Variants in DSTYK observed in about 807,000 individuals in gnomAD.
The protein encoded by DSTYK is dual serine/threonine and tyrosine protein kinase, also known as RIP-homologous kinase.
DSTYK carries 34 observed loss-of-function variants against 98.7 expected under a neutral mutation model. That is an observed-to-expected ratio of 0.34 (90% CI 0.26 to 0.46). The LOEUF (loss-of-function observed/expected upper bound fraction) is 0.46. Ranked by LOEUF, DSTYK falls within the 20% of genes least tolerant of loss-of-function variation. The pLI, the probability that DSTYK is intolerant of heterozygous loss-of-function variation, is 1.00. For missense variants in DSTYK, 962 were observed against 1,181.7 expected, an observed-to-expected ratio of 0.81 and a Z score of 2.73; for synonymous variants, 462 against 457.3, an observed-to-expected ratio of 1.01 and a Z score of -0.13.
intron 3 of DSTYK, among the ~76,000 whole-genome samples, chr1:205,164,586 C>T (rs1413746944): frequency 2.0e-5 from 3 of 151,932 alleles, no homozygotes; most frequent in African/African-American, 7.3e-5. Flanking sequence ...CTCAGCCTCC[C>T]GAGTAGCTGC....
intron 10 of DSTYK, 106 bp downstream of exon 10, chr1:205,157,167 T>G (rs1014371620): frequency 2.2e-6 from 2 of 893,994 alleles, no homozygotes; most frequent in African/African-American, 3.3e-5. Flanking sequence ...CTAATACACT[T>G]TCTGTGAGGA....
rs1038256099 is a variant in DSTYK at position 205,169,990 on chromosome 1, C to T, written c.655-158G>A. Among the ~76,000 whole-genome samples, 6 of 152,176 alleles carry T rather than the reference C, an allele frequency of 3.9e-5. No individual in the cohort carries two copies. The highest frequency in any genetic ancestry group is 1.4e-4 in the African/African-American group (6 of 41,440). On this transcript the variant is annotated intron_variant, in intron 2 of 12. Transcript: ENST00000367162. This position sits in a 1 kb window ranked among gnomAD's most constrained non-coding sequence, Gnocchi z 4.0. ...CCACCTCCTTCCTCGGTTACCAACA[C>T]TCCCTGGTGCAGCCTATGAAGGCAG...
At chr1:205,181,883 A>G (rs1002122449) in intron 2 of DSTYK, among the ~76,000 whole-genome samples, 3 of 152,072 alleles carry the variant, frequency 2.0e-5, no homozygotes, top group African/African-American at 7.2e-5. Flanking sequence ...TTTGTTGCCC[A>G]GTCTGGTCTT....
intron 1 of DSTYK, among the ~76,000 whole-genome samples, chr1:205,189,105 C>T (rs1312304874): frequency 6.6e-6 from 1 of 151,750 alleles, no homozygotes; most frequent in Non-Finnish European, 1.5e-5. Context: ...CTGTTTTTCA[C>T]CACCCTTACG....
intron 3 of DSTYK, among the ~76,000 whole-genome samples, chr1:205,167,594 T>C (rs16855205): frequency 0.011 from 1,604 of 152,004 alleles, 24 homozygotes; most frequent in African/African-American, 0.036. Context: ...CCAACTGACA[T>C]AGAAAATACA....
intron 1 of DSTYK, chr1:205,202,829 A>G (rs1659082510): frequency 2.0e-6 from 1 of 496,094 alleles, no homozygotes; most frequent in Admixed American, 3.2e-5. Context: ...CTGTATGAGC[A>G]GAGCCTATAT....
At chr1:205,149,197 G>C (rs1398337666) in intron 11 of DSTYK, among the ~76,000 whole-genome samples, 1 of 151,786 alleles carries the variant, frequency 6.6e-6, no homozygotes, top group Non-Finnish European at 1.5e-5. Flanking sequence ...CACCGCACCT[G>C]GCCGAAAGTT....
intron 1 of DSTYK, among the ~76,000 whole-genome samples, chr1:205,190,630 A>AC (rs1388295180): frequency 1.3e-5 from 2 of 151,166 alleles, no homozygotes; most frequent in South Asian, 2.1e-4. Flanking sequence ...AAAAAAAAAA[A>AC]AAAAAAACCC....
intron 6 of DSTYK, 61 bp downstream of exon 6, chr1:205,161,975 C>A: frequency 6.5e-7 from 1 of 1,544,308 alleles, no homozygotes; most frequent in Non-Finnish European, 8.8e-7. Context: ...GCGAAATATT[C>A]CCATCTGGAT....
rs140090956 is a variant in DSTYK at position 205,168,623 on chromosome 1, C to T, written c.1324+540G>A. Among the ~76,000 whole-genome samples the T allele has an allele frequency of 9.4e-4, 143 of 152,310 alleles. 1 individual carries two copies. Among genetic ancestry groups the T allele is most frequent in the African/African-American group, 3.2e-3 (135 of 41,564 alleles). On this transcript the variant is annotated intron_variant, in intron 3 of 12. Transcript: ENST00000367162. ...TATACAAAATCAGCAGCATCTCAGA[C>T]ACCCAAAGACCTGACCAATCACTTT...
intron 2 of DSTYK, among the ~76,000 whole-genome samples, chr1:205,170,437 T>C (rs1658025177): frequency 1.3e-5 from 2 of 152,184 alleles, no homozygotes; most frequent in Admixed American, 6.5e-5. Context: ...CTTTCCCCCA[T>C]GGGTCTGTAA....
intron 1 of DSTYK, among the ~76,000 whole-genome samples, chr1:205,209,192 G>A (rs115965133): frequency 0.011 from 1,658 of 152,236 alleles, 26 homozygotes; most frequent in African/African-American, 0.038. Context: ...ATCTCTCTGA[G>A]GTTAATCAAT....
chr1:205,208,897 T>A (rs1659283043), intron 1 of DSTYK, among the ~76,000 whole-genome samples: 1 of 152,146 alleles, frequency 6.6e-6, no homozygotes. Flanking sequence ...TTCACTAACT[T>A]TCCTTGGTGC....
Position 205,169,088 on chromosome 1 carries a change from GT to G in DSTYK, c.1324+74del. On this transcript the variant is annotated intron_variant, in intron 3 of 12. Transcript: ENST00000367162. The surrounding 1 kb of genome is among the most constrained non-coding windows in gnomAD (Gnocchi z 4.0). Reference sequence around the variant, plus strand: ...GATTCCTTTAACCTTAGGAATTAACGTTCTTAATTTCCGGCTAGAAAATGGT... The same window carrying G: ...GATTCCTTTAACCTTAGGAATTAACGTCTTAATTTCCGGCTAGAAAATGGT... The G allele has an allele frequency of 7.9e-7, 1 of 1,271,420 alleles. No individual in the cohort carries two copies. Among genetic ancestry groups the G allele is most frequent in the Non-Finnish European group, 1.1e-6 (1 of 908,552 alleles). 78.8% of individuals were successfully genotyped at this position (1,271,420 alleles called of 1,614,324 possible).
chr1:205,168,464 A>G (rs1240043746), intron 3 of DSTYK, among the ~76,000 whole-genome samples: 4 of 152,216 alleles, frequency 2.6e-5, no homozygotes. Flanking sequence ...GTCTGCAGTC[A>G]TCTTTAGTGG....
chr1:205,194,559 TTA>T (rs796918735), intron 1 of DSTYK, among the ~76,000 whole-genome samples: 4,595 of 48,064 alleles, frequency 0.096, 93 homozygotes, highest in East Asian at 0.24. Context: ...TTTTTTTTTT[TTA>T]AAATAGAGAT....
At chr1:205,152,229 G>A (rs1657425427) in intron 10 of DSTYK, among the ~76,000 whole-genome samples, 1 of 152,214 alleles carries the variant, frequency 6.6e-6, no homozygotes, top group African/African-American at 2.4e-5. Flanking sequence ...CTAGGCTGGA[G>A]TGCAATGGCA....
At chr1:205,203,571 G>A (rs1247765097) in intron 1 of DSTYK, among the ~76,000 whole-genome samples, 5 of 79,840 alleles carry the variant, frequency 6.3e-5, no homozygotes, top group Non-Finnish European at 9.5e-5. Context: ...GAGGGGAGGG[G>A]AGGGGAGGGG....
chr1:205,174,533 A>G (rs1170792193), intron 2 of DSTYK, among the ~76,000 whole-genome samples: 1 of 140,974 alleles, frequency 7.1e-6, no homozygotes, highest in Non-Finnish European at 1.5e-5. Context: ...AAAAAAAAAA[A>G]TTAGCTGGGC....
Sources: allele counts gnomAD v4.1 joint callset (sites outside exome capture counted in the v4.1 genomes callset), GRCh38; gene constraint gnomAD v4.1.1; non-coding constraint Gnocchi (gnomAD v3.1); transcripts MANE v1.5; gene names NCBI Gene and HGNC (gene_info 2026-07-23, HGNC 2026-07-21).